The following NDE1 variants were observed in gnomAD, a reference collection of about 807,000 sequenced individuals.
NDE1 encodes nudE neurodevelopment protein 1, also known as nuclear distribution protein nudE homolog 1.
In NDE1, 28 loss-of-function variants were observed where a neutral mutation model predicts 43.4. The ratio of observed to expected loss-of-function variants is 0.65; its 90% CI spans 0.48 to 0.89. NDE1 has a LOEUF of 0.89. Ranked by LOEUF, NDE1 falls within the 40% of genes least tolerant of loss-of-function variation. NDE1 has a pLI of 0.00. For missense variants in NDE1, 441 were observed against 434.1 expected (o/e 1.02, Z -0.14); for synonymous variants, 184 against 172.0 (o/e 1.07, Z -0.55).
intron 8 of NDE1, chr16:15,718,272 G>C (rs373923058): frequency 1.9e-6 from 3 of 1,605,228 alleles, no homozygotes; most frequent in Non-Finnish European, 2.5e-6. Flanking sequence ...TGCTGCAGGA[G>C]AGACAGTAGG....
At chr16:15,702,231 T>C (rs2039243090) in intron 8 of NDE1, 2 of 152,234 alleles carry the variant, frequency 1.3e-5, no homozygotes, top group South Asian at 4.1e-4. Flanking sequence ...CATGTCTGTC[T>C]AAAACACTCA....
At chr16:15,661,597 C>G (rs1334303229) in intron 1 of NDE1, among the ~76,000 whole-genome samples, 1 of 152,012 alleles carries the variant, frequency 6.6e-6, no homozygotes, top group African/African-American at 2.4e-5. Context: ...AGACACACCA[C>G]CATGACCAGC....
rs776853168 is a variant in NDE1 at position 15,694,269 on chromosome 16, T to A, written c.795+13T>A. Reference sequence around the variant, plus strand: ...GCGGAAAGTCGGGGTAAGACCACACTTTCCTGGCGTTTGGTGCCTTCCTGC... The same window carrying A: ...GCGGAAAGTCGGGGTAAGACCACACATTCCTGGCGTTTGGTGCCTTCCTGC... On this transcript the variant is annotated intron_variant, in intron 7 of 8. Coordinates refer to ENST00000396354, the MANE Select transcript of NDE1 (RefSeq NM_017668.3). 1 of 1,611,538 alleles carries A rather than the reference T, an allele frequency of 6.2e-7. No individual in the cohort carries two copies. Among genetic ancestry groups the A allele is most frequent in the Admixed American group, 1.7e-5 (1 of 59,806 alleles).
intron 3 of NDE1, among the ~76,000 whole-genome samples, chr16:15,669,264 C>T (rs1410511789): frequency 1.3e-5 from 2 of 148,674 alleles, no homozygotes; most frequent in African/African-American, 5.0e-5. Context: ...CACAATCTCA[C>T]CTCACTGCAA....
At chr16:15,665,193 AG>A (rs1211493470) in intron 2 of NDE1, among the ~76,000 whole-genome samples, 2 of 152,054 alleles carry the variant, frequency 1.3e-5, no homozygotes. Flanking sequence ...TTCTATAAAA[AG>A]AACAGCAACC....
At chr16:15,646,666 G>A (rs1442456355), upstream of NDE1, among the ~76,000 whole-genome samples, 3 of 152,024 alleles carry the variant, frequency 2.0e-5, no homozygotes, top group East Asian at 5.8e-4. Context: ...GGAAGGTGGA[G>A]GTTACAATGA....
At chr16:15,682,195 ATG>A (rs2038217238) in intron 4 of NDE1, among the ~76,000 whole-genome samples, 2 of 152,108 alleles carry the variant, frequency 1.3e-5, no homozygotes, top group Admixed American at 1.3e-4. Flanking sequence ...CCAAAGTTTT[ATG>A]TATTTATGTT....
At chr16:15,676,718 C>T (rs1219122798) in intron 3 of NDE1, among the ~76,000 whole-genome samples, 1 of 152,120 alleles carries the variant, frequency 6.6e-6, no homozygotes, top group East Asian at 1.9e-4. Flanking sequence ...GGCCGGAGTG[C>T]AGTGGTGCCT....
intron 3 of NDE1, among the ~76,000 whole-genome samples, chr16:15,668,286 G>A (rs2037418050): frequency 6.6e-6 from 1 of 152,124 alleles, no homozygotes; most frequent in Non-Finnish European, 1.5e-5. Context: ...TCACTTGATG[G>A]TTGGAGGCTG....
intron 4 of NDE1, 87 bp downstream of exon 4, chr16:15,678,036 T>A (rs1186689518): frequency 1.3e-6 from 2 of 1,507,470 alleles, no homozygotes; most frequent in Middle Eastern, 2.3e-4. Flanking sequence ...CTGTGCTGAG[T>A]ATAGGGAACT....
At chr16:15,680,552 G>C (rs1008131302) in intron 4 of NDE1, among the ~76,000 whole-genome samples, 4 of 151,968 alleles carry the variant, frequency 2.6e-5, no homozygotes, top group African/African-American at 7.3e-5. Context: ...TATATTTTTT[G>C]AGATGGAGTC....
At chr16:15,680,922 A>G (rs58163288) in intron 4 of NDE1, among the ~76,000 whole-genome samples, 14,997 of 151,938 alleles carry the variant, frequency 0.099, 2,301 homozygotes, top group African/African-American at 0.33. Context: ...GACTTTGTCT[A>G]TTGTATCATT....
Position 15,724,199 on chromosome 16 carries a change from C to A in NDE1, c.956C>A (p.Thr319Lys), listed in dbSNP as rs141262029. Residue 319 changes from threonine to lysine, a missense_variant, in exon 9 of 9, where the codon ACG becomes AAG. Physicochemically the swap from Thr to Lys is moderately conservative, Grantham distance 78 (BLOSUM62 -1). Transcript: ENST00000396354. ...SVPLGDKGLDTSCRWLSKSTT... is the reference protein window; with the variant it reads ...SVPLGDKGLDKSCRWLSKSTT... ...CTCTGCTTCTTTTCCAGGTTGGACA[C>A]GAGTTGCCGCTGGTTGTCCAAATCA... The A allele has an allele frequency of 1.2e-6, 2 of 1,614,074 alleles. No individual in the cohort carries two copies. Among genetic ancestry groups the A allele is most frequent in the Admixed American group, 3.3e-5 (2 of 60,026 alleles).
intron 8 of NDE1, among the ~76,000 whole-genome samples, chr16:15,708,614 G>T (rs1398582101): frequency 6.6e-6 from 1 of 152,152 alleles, no homozygotes; most frequent in Non-Finnish European, 1.5e-5. Context: ...CAAGAGATGA[G>T]GTCTATTTGT....
chr16:15,724,145 ACC>A, intron 8 of NDE1, 44 bp from the exon 9 acceptor site: 2 of 1,612,374 alleles, frequency 1.2e-6, no homozygotes, highest in Non-Finnish European at 1.7e-6. Flanking sequence ...AGTGGGGGAC[ACC>A]CCACGCCCTC....
chr16:15,716,566 G>A (rs2040158993), intron 8 of NDE1, among the ~76,000 whole-genome samples: 1 of 152,058 alleles, frequency 6.6e-6, no homozygotes, highest in Non-Finnish European at 1.5e-5. Flanking sequence ...GTGTCACCCA[G>A]GCTGCAGTGC....
chr16:15,715,715 A>T (rs370331958), intron 8 of NDE1, among the ~76,000 whole-genome samples: 1 of 152,264 alleles, frequency 6.6e-6, no homozygotes, highest in East Asian at 1.9e-4. Flanking sequence ...ACCCTAGTTC[A>T]TAGTTCACTG....
chr16:15,725,039 C>T lies in NDE1; in HGVS notation c.*788C>T. On this transcript the variant is annotated 3_prime_UTR_variant, in exon 9 of 9. Transcript: ENST00000396354. ...TTAGTCAAAGCCTCTAGAAGGGGAT[C>T]CTCGTTGAAAGGAGCCCTTTTTACT... 2 of 1,552,042 alleles carry T rather than the reference C, an allele frequency of 1.3e-6. No homozygotes were observed. Among genetic ancestry groups the T allele is most frequent in the Non-Finnish European group, 1.8e-6 (2 of 1,130,688 alleles).
At chr16:15,689,761 G>GA (rs967889679) in intron 5 of NDE1, among the ~76,000 whole-genome samples, 3 of 151,952 alleles carry the variant, frequency 2.0e-5, no homozygotes, top group Non-Finnish European at 4.4e-5. Context: ...ACAACATGGT[G>GA]AAACCCTGTG....
Sources: allele counts gnomAD v4.1 joint callset (sites outside exome capture counted in the v4.1 genomes callset), GRCh38; gene constraint gnomAD v4.1.1; transcripts MANE v1.5; gene names NCBI Gene and HGNC (gene_info 2026-07-23, HGNC 2026-07-21).